SNX29: variants seen among roughly 807,000 people sequenced by gnomAD.
SNX29 encodes the protein sorting nexin 29.
Under a neutral mutation model 102.1 loss-of-function variants are expected in SNX29, and 78 were observed. The ratio of observed to expected loss-of-function variants is 0.76; its 90% CI spans 0.64 to 0.92. The LOEUF is 0.92. SNX29 is among the 40% of genes least tolerant of loss of function. SNX29 has a pLI of 0.00. For synonymous variants in SNX29, 580 were observed against 414.5 expected (o/e 1.40, Z -4.85); for missense variants, 1,280 against 1,061.7 (o/e 1.21, Z -2.86).
At chr16:12,157,238 C>T (rs565124108) in intron 13 of SNX29, among the ~76,000 whole-genome samples, 6 of 152,172 alleles carry the variant, frequency 3.9e-5, no homozygotes, top group Non-Finnish European at 8.8e-5. Context: ...TGCTGGCTGT[C>T]TCCACCCTGC....
In SNX29 at chr16:12,488,106, A is replaced by C. The variant is rs76631707; in HGVS notation, c.2178+10247A>C. Among the ~76,000 whole-genome samples, 5 of 152,286 alleles carry C rather than the reference A, an allele frequency of 3.3e-5. No individual in the cohort carries two copies. In the East Asian group the frequency reaches 9.6e-4, roughly 29 times the overall value. On this transcript the variant is annotated intron_variant, in intron 19 of 20. Transcript: ENST00000566228. ...TTAATTAGTGTGGTTTCTTGGGAGG[A>C]CTTTTCTATAATATCAAATTAAAAT...
chr16:12,103,310 C>G (rs553052487), intron 11 of SNX29, among the ~76,000 whole-genome samples: 2 of 152,316 alleles, frequency 1.3e-5, no homozygotes, highest in South Asian at 4.1e-4. Flanking sequence ...AACTGTATTA[C>G]AAGGCTACAG....
chr16:12,144,060 T>C (rs2054962474), intron 13 of SNX29, among the ~76,000 whole-genome samples: 1 of 151,984 alleles, frequency 6.6e-6, no homozygotes, highest in South Asian at 2.1e-4. Context: ...AGGTCTGGAG[T>C]GGGGCCTGCT....
rs923583419 is a variant in SNX29 at position 12,036,651 on chromosome 16, T to TTTG, written c.248-6230_248-6228dup. Among the ~76,000 whole-genome samples the TTTG allele has an allele frequency of 5.4e-5, 6 of 110,360 alleles. No individual in the cohort carries two copies. In the South Asian group the frequency reaches 9.8e-4, roughly 18 times the overall value. The allele number at this position is 110,360 out of a possible 152,430, so 72.4% of individuals were successfully genotyped here. On this transcript the variant is annotated intron_variant, in intron 4 of 20. Coordinates refer to ENST00000566228, the MANE Select transcript of SNX29 (RefSeq NM_032167.5). ...GCCCAGCGGGTTTTCTGTTTTTGTT[T>TTTG]TTGTTGTTGTTGTTGTTGAGCAATG...
At chr16:12,017,338 C>T (rs145855823) in intron 3 of SNX29, among the ~76,000 whole-genome samples, 1 of 152,152 alleles carries the variant, frequency 6.6e-6, no homozygotes, top group Admixed American at 6.5e-5. Flanking sequence ...TATTTATTGG[C>T]CAACTGTATT....
rs528972994 is a variant in SNX29, at chr16:12,259,740, C to A, written c.1679-18193C>A. ...CAGATTCCTGGCCCTCGTCTCCGAT[C>A]CACGGAATTCGTTTCTGGGAACCGA... On this transcript the variant is annotated intron_variant, in intron 14 of 20. Coordinates refer to ENST00000566228, the MANE Select transcript of SNX29 (RefSeq NM_032167.5). Among the ~76,000 whole-genome samples, 36 of 152,336 alleles carry A rather than the reference C, an allele frequency of 2.4e-4. 1 individual carries two copies. The South Asian group carries it at 2.9e-3, about 12-fold the overall frequency.
At chr16:12,524,943 G>C (rs1267811647) in intron 20 of SNX29, 102 bp downstream of exon 20, 3 of 1,498,334 alleles carry the variant, frequency 2.0e-6, no homozygotes, top group African/African-American at 1.4e-5. Context: ...GTGATGCCCT[G>C]ATCGCCATGG....
chr16:12,501,689 T>C (rs982078363), intron 19 of SNX29, among the ~76,000 whole-genome samples: 2 of 116,886 alleles, frequency 1.7e-5, no homozygotes, highest in East Asian at 5.4e-4. Context: ...ACCACTGTAC[T>C]ACTCCAGCCT....
chr16:12,522,322 C>A (rs1022157001), intron 19 of SNX29, among the ~76,000 whole-genome samples: 6 of 145,858 alleles, frequency 4.1e-5, no homozygotes, highest in Non-Finnish European at 9.0e-5. Context: ...GTCTGCCAGC[C>A]CTGGCTCAAA....
chr16:12,055,392 C>A (rs8044821), intron 8 of SNX29, among the ~76,000 whole-genome samples: 3 of 151,738 alleles, frequency 2.0e-5, no homozygotes, highest in Non-Finnish European at 4.4e-5. Context: ...TACCACACCC[C>A]GCTAACTTTT....
At chr16:12,157,581 C>A (rs1031565194) in intron 13 of SNX29, among the ~76,000 whole-genome samples, 1 of 152,132 alleles carries the variant, frequency 6.6e-6, no homozygotes, top group Non-Finnish European at 1.5e-5. Flanking sequence ...TTTACATTGA[C>A]ACGATTGGAG....
At chr16:12,533,756 A>G (rs894142566) in intron 20 of SNX29, among the ~76,000 whole-genome samples, 2 of 152,122 alleles carry the variant, frequency 1.3e-5, no homozygotes, top group Non-Finnish European at 2.9e-5. Context: ...GAATTAAGCC[A>G]TTGAGTTGTC....
chr16:12,483,319 C>CTTTTTTTTT (rs71139599), intron 19 of SNX29, among the ~76,000 whole-genome samples: 1 of 134,746 alleles, frequency 7.4e-6, no homozygotes, highest in Admixed American at 7.5e-5. Flanking sequence ...ATTTACTTTT[C>CTTTTTTTTT]TTTTTTTTTT....
intron 15 of SNX29, among the ~76,000 whole-genome samples, chr16:12,343,925 C>T (rs1194567910): frequency 6.6e-6 from 1 of 152,246 alleles, no homozygotes; most frequent in Non-Finnish European, 1.5e-5. Context: ...ACCTAAATCT[C>T]ATCTTGAATT....
At chr16:12,044,575 G>A (rs2050013291) in intron 5 of SNX29, among the ~76,000 whole-genome samples, 1 of 152,044 alleles carries the variant, frequency 6.6e-6, no homozygotes, top group Non-Finnish European at 1.5e-5. Context: ...ACACACTCCT[G>A]TTTCTTTCTT....
Position 12,568,476 on chromosome 16 carries a change from C to G in SNX29, c.2319-30C>G, listed in dbSNP as rs376401630. ...TGGTCATTTGCTTTTCATCCCCAGACTTAACCCGATTCTCTCCCTGCTCTT... is the reference window on the plus strand; with the variant it reads ...TGGTCATTTGCTTTTCATCCCCAGAGTTAACCCGATTCTCTCCCTGCTCTT... On this transcript the variant is annotated intron_variant, in intron 20 of 20. Transcript: ENST00000566228. The G allele has an allele frequency of 2.7e-5, 43 of 1,607,072 alleles. 1 individual carries two copies. The highest frequency in any genetic ancestry group is 1.9e-4 in the African/African-American group (14 of 74,916).
At chr16:12,550,453 T>G (rs931260095) in intron 20 of SNX29, among the ~76,000 whole-genome samples, 2 of 150,342 alleles carry the variant, frequency 1.3e-5, no homozygotes, top group Non-Finnish European at 2.9e-5. Flanking sequence ...GAGAATCACT[T>G]AAACCCGGGA....
intron 20 of SNX29, among the ~76,000 whole-genome samples, chr16:12,548,240 A>G (rs1194975823): frequency 1.3e-5 from 2 of 152,076 alleles, no homozygotes; most frequent in Non-Finnish European, 2.9e-5. Flanking sequence ...GTTAGGTTAC[A>G]TTTCCTTCCT....
chr16:11,986,981 G>A (rs919125570), intron 1 of SNX29, among the ~76,000 whole-genome samples: 2 of 152,228 alleles, frequency 1.3e-5, no homozygotes, highest in South Asian at 2.1e-4. Context: ...TGCTCAGGAA[G>A]TCATTGTGTT....
Sources: gnomAD v4.1 joint callset for allele counts (sites outside exome capture counted in the v4.1 genomes callset) on GRCh38, gnomAD v4.1.1 for gene constraint, MANE v1.5 for transcripts, NCBI Gene and HGNC (gene_info 2026-07-23, HGNC 2026-07-21) for gene names.